Variants in ZNF729 observed in about 807,000 individuals in gnomAD.
The protein encoded by ZNF729 is zinc finger protein 729.
A neutral mutation model predicts 12.2 loss-of-function variants in ZNF729; 15 were observed. That is an observed-to-expected ratio of 1.23 (90% CI 0.82 to 1.89). The LOEUF (loss-of-function observed/expected upper bound fraction) is 1.89. ZNF729 is among the 40% of genes most tolerant of loss of function. ZNF729 has a pLI of 0.00. For missense variants in ZNF729, 1,540 were observed against 1,456.7 expected (o/e 1.06, Z -0.93); for synonymous variants, 492 against 476.3 (o/e 1.03, Z -0.43).
rs766641256 is a variant in ZNF729 at position 22,315,972 on chromosome 19, A to G, written c.2555A>G (p.Tyr852Cys). ...HKVIHTGKKPYKCEECGKAFS... is the reference protein window; with the variant it reads ...HKVIHTGKKPCKCEECGKAFS... ...GTAATTCATACTGGAAAGAAACCCT[A>G]CAAATGTGAAGAATGTGGCAAAGCT... Residue 852 changes from tyrosine (Y) to cysteine (C), a missense_variant, in exon 4 of 4, where the codon TAC becomes TGC. Coordinates refer to ENST00000601693, the MANE Select transcript of ZNF729 (RefSeq NM_001242680.2). 12 of 1,610,752 alleles carry G rather than the reference A, an allele frequency of 7.4e-6. No homozygotes were observed. Among genetic ancestry groups the G allele is most frequent in the Non-Finnish European group, 8.5e-6 (10 of 1,179,684 alleles).
chr19:22,313,860 C>T lies in ZNF729; in HGVS notation c.443C>T (p.Ala148Val). Residue 148 changes from alanine (A) to valine (V), a missense_variant, in exon 4 of 4, where the codon GCT becomes GTT. Physicochemically the swap from Ala to Val is moderately conservative, Grantham distance 64. Coordinates refer to ENST00000601693, the MANE Select transcript of ZNF729 (RefSeq NM_001242680.2). ...GYNKLNQCRT[A>V]TQRKIFQCNK... ...AATAAACTTAACCAATGCAGGACAGCTACCCAGAGAAAAATATTTCAGTGT... is the reference window on the plus strand; with the variant it reads ...AATAAACTTAACCAATGCAGGACAGTTACCCAGAGAAAAATATTTCAGTGT... 1 of 1,561,750 alleles carries T rather than the reference C, an allele frequency of 6.4e-7. No homozygotes were observed. The highest frequency in any genetic ancestry group is 8.6e-7 in the Non-Finnish European group (1 of 1,157,752).
chr19:22,312,270 C>A (rs747198294), intron 3 of ZNF729, among the ~76,000 whole-genome samples: 2 of 151,778 alleles, frequency 1.3e-5, no homozygotes, highest in African/African-American at 2.4e-5. Context: ...CCATGTTGTC[C>A]TAATATTCTA....
intron 3 of ZNF729, among the ~76,000 whole-genome samples, chr19:22,308,037 C>T (rs908490118): frequency 1.8e-4 from 27 of 151,942 alleles, no homozygotes; most frequent in African/African-American, 6.0e-4. Context: ...CCCCTCAAGT[C>T]CCCAAAGTCC....
At chr19:22,304,033 GA>G (rs1968348677) in intron 2 of ZNF729, 149 bp downstream of exon 2, 5 of 558,492 alleles carry the variant, frequency 9.0e-6, no homozygotes, top group South Asian at 2.9e-5. Context: ...GTGTAGAAAG[GA>G]ATTTTTTTTT....
Position 22,316,239 on chromosome 19 carries a change from G to A in ZNF729, c.2822G>A (p.Cys941Tyr), listed in dbSNP as rs1452591880. 2 of 1,613,692 alleles carry A rather than the reference G, an allele frequency of 1.2e-6. No homozygotes were observed. Among genetic ancestry groups the A allele is most frequent in the Non-Finnish European group, 1.7e-6 (2 of 1,179,784 alleles). Residue 941 changes from cysteine to tyrosine, a missense_variant, in exon 4 of 4, where the codon TGT (cysteine) becomes TAT (tyrosine). Physicochemically the swap from Cys to Tyr is radical, Grantham distance 194 (BLOSUM62 -2). Transcript: ENST00000601693. ...TGKKPYKCEECGKAFNDSSTL... is the reference protein window; with the variant it reads ...TGKKPYKCEEYGKAFNDSSTL... ...AAGAAACCCTACAAATGTGAAGAATGTGGCAAAGCTTTTAATGATTCCTCA... is the reference window on the plus strand; with the variant it reads ...AAGAAACCCTACAAATGTGAAGAATATGGCAAAGCTTTTAATGATTCCTCA...
Position 22,303,797 on chromosome 19 carries a change from C to T in ZNF729, c.70C>T (p.Leu24=). The stretch of plus-strand genomic sequence containing the variant: ...TAGAGATGTGACCATAGAATTCTCT[C>T]TGGAGGAGTGGCAATGCCTGGACAC... ...TFRDVTIEFS[L]EEWQCLDTVQ... is the part of the protein sequence containing the mutation. Residue 24 remains leucine (L), a synonymous_variant, in exon 2 of 4, where the codon CTG becomes TTG. Coordinates refer to ENST00000601693, the MANE Select transcript of ZNF729 (RefSeq NM_001242680.2). 1.5e-5 allele frequency: 23 copies of T among 1,575,432 alleles called. No homozygotes were observed. Among genetic ancestry groups the T allele is most frequent in the Non-Finnish European group, 2.0e-5 (23 of 1,155,818 alleles).
rs767013425 is a variant in ZNF729, at chr19:22,303,864, A to G, written c.137A>G (p.Tyr46Cys). 15 of 1,571,578 alleles carry G rather than the reference A, an allele frequency of 9.5e-6. No homozygotes were observed. Among genetic ancestry groups the G allele is most frequent in the Non-Finnish European group, 1.2e-5 (14 of 1,153,926 alleles). ...TATAGGGATGTGATGTTAGAGAACT[A>G]CAGAAACCTGGTCTTCCTGGGTGAG... ...NLYRDVMLEN[Y>C]RNLVFLGMAV... The change falls in exon 2 of 4, where the codon TAC (tyrosine) becomes TGC (cysteine). Residue 46 changes from tyrosine to cysteine, a missense_variant. Physicochemically the swap from Tyr to Cys is radical, Grantham distance 194 (BLOSUM62 -2). Transcript: ENST00000601693.
At chr19:22,312,440 T>TTGTGTGTATGTGTGTGTGTGTGTG (rs756607431) in intron 3 of ZNF729, among the ~76,000 whole-genome samples, 1 of 144,552 alleles carries the variant, frequency 6.9e-6, no homozygotes, top group African/African-American at 2.6e-5. Context: ...TTGTCTGAAA[T>TTGTGTGTATGTGTGTGTGTGTGTG]TGTGTGTGTG....
chr19:22,303,693 A>C lies in ZNF729; in HGVS notation c.31-65A>C, dbSNP rs529032831. 3.4e-5 allele frequency: 49 copies of C among 1,447,478 alleles called. No homozygotes were observed. In the South Asian group the frequency reaches 5.9e-4, roughly 17 times the overall value. The allele number at this position is 1,447,478 out of a possible 1,614,324, so 89.7% of individuals were successfully genotyped here. ...TTATTCTCTCATTTCACCTTGAGTC[A>C]AATTAAAAATTTCTGCCCATGGCCA... On this transcript the variant is annotated intron_variant, in intron 1 of 3. Transcript: ENST00000601693.
At chr19:22,293,494 A>ATTTTTTTTTTT (rs56180581) in intron 1 of ZNF729, among the ~76,000 whole-genome samples, 4,057 of 95,732 alleles carry the variant, frequency 0.042, 480 homozygotes, top group African/African-American at 0.07. Flanking sequence ...CCTTTTGTCT[A>ATTTTTTTTTTT]TTTTTTTTTT....
chr19:22,296,090 T>A (rs1968227184), intron 1 of ZNF729, among the ~76,000 whole-genome samples: 1 of 152,166 alleles, frequency 6.6e-6, no homozygotes, highest in Non-Finnish European at 1.5e-5. Context: ...AAGTTTTCTA[T>A]TTTTTGTTTC....
At chr19:22,293,492 C>CT (rs1181519048) in intron 1 of ZNF729, among the ~76,000 whole-genome samples, 2 of 50,036 alleles carry the variant, frequency 4.0e-5, no homozygotes, top group Non-Finnish European at 3.8e-5. Context: ...AGCCTTTTGT[C>CT]TATTTTTTTT....
At chr19:22,289,221 T>C (rs1968120966) in intron 1 of ZNF729, among the ~76,000 whole-genome samples, 1 of 149,120 alleles carries the variant, frequency 6.7e-6, no homozygotes, top group Middle Eastern at 3.2e-3. Flanking sequence ...ATATTCCATT[T>C]GTTAATTTTT....
rs781264772 is a variant in ZNF729, at chr19:22,286,492, T to C, written c.-34T>C. 6.2e-7 allele frequency: 1 copy of C among 1,612,640 alleles called. No homozygotes were observed. Among genetic ancestry groups the C allele is most frequent in the Non-Finnish European group, 8.5e-7 (1 of 1,179,842 alleles). On this transcript the variant is annotated 5_prime_UTR_variant, in exon 1 of 4. Coordinates refer to ENST00000601693, the MANE Select transcript of ZNF729 (RefSeq NM_001242680.2). ...TGTGTGTCCTCAGCCTCTGTGGCCCTGTAACCTGCGGCATTGGAAGATCCA... is the reference window on the plus strand; with the variant it reads ...TGTGTGTCCTCAGCCTCTGTGGCCCCGTAACCTGCGGCATTGGAAGATCCA...
intron 1 of ZNF729, among the ~76,000 whole-genome samples, chr19:22,292,516 G>A (rs1968169212): frequency 6.6e-6 from 1 of 151,992 alleles, no homozygotes; most frequent in African/African-American, 2.4e-5. Flanking sequence ...TCAGCTTACT[G>A]CAGCCTCAAC....
At chr19:22,293,334 T>C (rs1091181) in intron 1 of ZNF729, among the ~76,000 whole-genome samples, 150,884 of 151,574 alleles carry the variant, frequency 1, 75,103 homozygotes, top group Middle Eastern at 1. Flanking sequence ...TACAGGGACT[T>C]GCCACCATGC....
chr19:22,294,297 GCT>G (rs1968195168), intron 1 of ZNF729, among the ~76,000 whole-genome samples: 1 of 150,670 alleles, frequency 6.6e-6, no homozygotes. Context: ...TTATTTCTGG[GCT>G]CTCTATTCTG....
chr19:22,294,533 T>C (rs994146138), intron 1 of ZNF729, among the ~76,000 whole-genome samples: 7 of 152,162 alleles, frequency 4.6e-5, no homozygotes, highest in South Asian at 4.1e-4. Context: ...AAGAATAGCA[T>C]TAAATCATTT....
intron 3 of ZNF729, among the ~76,000 whole-genome samples, chr19:22,306,437 C>CAA (rs199851275): frequency 2.6e-4 from 30 of 114,050 alleles, no homozygotes; most frequent in African/African-American, 5.2e-4. Context: ...GACTCCATCT[C>CAA]AAAAAAAAAA....
Sources: gnomAD v4.1 joint callset for allele counts (sites outside exome capture counted in the v4.1 genomes callset) on GRCh38, gnomAD v4.1.1 for gene constraint, MANE v1.5 for transcripts, NCBI Gene and HGNC (gene_info 2026-07-23, HGNC 2026-07-21) for gene names.